The following ECT2 variants were observed in gnomAD, a reference collection of about 807,000 sequenced individuals.
The protein encoded by ECT2 is protein ECT2.
A neutral mutation model predicts 116.9 loss-of-function variants in ECT2; 61 were observed. The ratio of observed to expected loss-of-function variants is 0.52; its 90% CI spans 0.42 to 0.65. ECT2 has a LOEUF of 0.65. Among genes scored for constraint, ECT2 ranks in the 30% least tolerant of loss-of-function variants. The pLI, the probability that ECT2 is intolerant of heterozygous loss-of-function variation, is 0.00. For missense variants in ECT2, 937 were observed against 1,078.7 expected (o/e 0.87, Z 1.84); for synonymous variants, 358 against 346.4 (o/e 1.03, Z -0.37).
intron 16 of ECT2, 72 bp downstream of exon 16, chr3:172,783,981 A>G: frequency 5.5e-6 from 6 of 1,089,980 alleles, no homozygotes; most frequent in Non-Finnish European, 8.0e-6. Flanking sequence ...TATGACAAAA[A>G]TGAAGTAAAT....
chr3:172,807,116 A>T (rs1727901433), intron 21 of ECT2, among the ~76,000 whole-genome samples: 1 of 152,198 alleles, frequency 6.6e-6, no homozygotes, highest in Non-Finnish European at 1.5e-5. Context: ...TCCTGGATGT[A>T]AAATTGCATA....
chr3:172,799,780 T>C (rs1190523607), intron 18 of ECT2, among the ~76,000 whole-genome samples: 1 of 152,228 alleles, frequency 6.6e-6, no homozygotes, highest in Non-Finnish European at 1.5e-5. Context: ...AAATTTATTA[T>C]ATTAATTATT....
chr3:172,788,740 A>G (rs906124968), intron 18 of ECT2, among the ~76,000 whole-genome samples: 6 of 152,242 alleles, frequency 3.9e-5, no homozygotes, highest in East Asian at 1.9e-4. Context: ...ATTAATGTAC[A>G]TATCTTAATG....
chr3:172,810,001 T>C (rs1406736036), intron 22 of ECT2, among the ~76,000 whole-genome samples: 2 of 152,186 alleles, frequency 1.3e-5, no homozygotes, highest in East Asian at 1.9e-4. Context: ...GAAGATCTTA[T>C]GTCTCAGAAT....
chr3:172,786,914 A>G (rs1430853060), intron 18 of ECT2, among the ~76,000 whole-genome samples: 2 of 152,184 alleles, frequency 1.3e-5, no homozygotes, highest in Non-Finnish European at 2.9e-5. Flanking sequence ...GTAACTTGAG[A>G]ATGTGACCAC....
At chr3:172,826,649 A>G in the ECT2 span, among the ~76,000 whole-genome samples, 2 of 152,226 alleles carry the variant, frequency 1.3e-5, no homozygotes, top group African/African-American at 4.8e-5. Flanking sequence ...GAAATCTTTC[A>G]TGAGAGGAAG....
intron 18 of ECT2, among the ~76,000 whole-genome samples, chr3:172,791,128 T>C (rs1724580183): frequency 6.6e-6 from 1 of 152,242 alleles, no homozygotes; most frequent in Admixed American, 6.5e-5. Context: ...TACTCCAGCC[T>C]GGATGACAGA....
chr3:172,827,376 C>T, the ECT2 span, among the ~76,000 whole-genome samples: 1 of 152,248 alleles, frequency 6.6e-6, no homozygotes, highest in African/African-American at 2.4e-5. Flanking sequence ...ATGGAATCAA[C>T]CTAAGTGTCC....
rs549970973 is a variant in ECT2 at position 172,819,884 on chromosome 3, A to G, written c.2656-264A>G. On this transcript the variant is annotated intron_variant, in intron 24 of 24. Transcript: ENST00000392692. ...ACAAAGTTAGGTATCACTACTAGCA[A>G]TAGGCCAATATCTGTTCAGTTGAGT... Among the ~76,000 whole-genome samples the G allele has an allele frequency of 7.9e-5, 12 of 152,244 alleles. No homozygotes were observed. In the South Asian group the frequency reaches 1.2e-3, roughly 16 times the overall value.
intron 22 of ECT2, among the ~76,000 whole-genome samples, chr3:172,809,191 T>C (rs1728286525): frequency 6.6e-6 from 1 of 152,116 alleles, no homozygotes; most frequent in African/African-American, 2.4e-5. Context: ...TCAGACTAGA[T>C]AGTTTATAGA....
intron 5 of ECT2, among the ~76,000 whole-genome samples, chr3:172,758,268 G>A (rs1233743910): frequency 6.6e-6 from 1 of 152,100 alleles, no homozygotes; most frequent in South Asian, 2.1e-4. Context: ...ACTTAAAATT[G>A]CTTAGGTCTT....
intron 18 of ECT2, chr3:172,796,318 C>T (rs976079882): frequency 2.0e-5 from 3 of 152,158 alleles, no homozygotes; most frequent in Non-Finnish European, 4.4e-5. Context: ...AAAAATTAAA[C>T]ATTGGTGTCA....
chr3:172,806,654 T>G (rs1303826275), intron 21 of ECT2, among the ~76,000 whole-genome samples: 12 of 11,168 alleles, frequency 1.1e-3, no homozygotes, highest in Non-Finnish European at 6.4e-3. Flanking sequence ...TTTGTGGGTT[T>G]TTTTTTTTTT....
At chr3:172,789,227 T>G (rs1301411748) in intron 18 of ECT2, among the ~76,000 whole-genome samples, 3 of 150,488 alleles carry the variant, frequency 2.0e-5, no homozygotes, top group Admixed American at 6.6e-5. Flanking sequence ...TTTGTTTTTT[T>G]TTTTTTTTTG....
chr3:172,793,548 C>G (rs1434294082), intron 18 of ECT2, among the ~76,000 whole-genome samples: 1 of 152,096 alleles, frequency 6.6e-6, no homozygotes, highest in Non-Finnish European at 1.5e-5. Flanking sequence ...ACTGCAACCT[C>G]CACCTCCCAG....
chr3:172,793,301 A>AT (rs1301890042), intron 18 of ECT2, among the ~76,000 whole-genome samples: 5 of 149,962 alleles, frequency 3.3e-5, no homozygotes, highest in Non-Finnish European at 5.9e-5. Flanking sequence ...AGTAGCTGGG[A>AT]TTACAGGCAC....
At chr3:172,776,521 C>T (rs1014214481) in intron 14 of ECT2, among the ~76,000 whole-genome samples, 3 of 152,110 alleles carry the variant, frequency 2.0e-5, no homozygotes, top group Admixed American at 6.5e-5. Context: ...TTGAGCATTA[C>T]CACATCTATT....
At chr3:172,811,845 A>T (rs1363601027) in intron 22 of ECT2, among the ~76,000 whole-genome samples, 1 of 152,226 alleles carries the variant, frequency 6.6e-6, no homozygotes, top group Non-Finnish European at 1.5e-5. Context: ...AAGAAAAAAG[A>T]TCAAATATAC....
At chr3:172,794,285 G>A (rs558610515) in intron 18 of ECT2, among the ~76,000 whole-genome samples, 1 of 151,960 alleles carries the variant, frequency 6.6e-6, no homozygotes, top group African/African-American at 2.4e-5. Flanking sequence ...TTGTATATGG[G>A]GCATGGTATA....
Sources: gnomAD v4.1 joint callset for allele counts (sites outside exome capture counted in the v4.1 genomes callset) on GRCh38, gnomAD v4.1.1 for gene constraint, MANE v1.5 for transcripts, NCBI Gene and HGNC (gene_info 2026-07-23, HGNC 2026-07-21) for gene names.